RGP1: variants seen among roughly 807,000 people sequenced by gnomAD.
RGP1 encodes RAB6A-GEF complex partner protein 2.
Under a neutral mutation model 44.5 loss-of-function variants are expected in RGP1, and 28 were observed. That is an observed-to-expected ratio of 0.63 (90% CI 0.47 to 0.86). The LOEUF (loss-of-function observed/expected upper bound fraction) is 0.86, where lower values mean the gene tolerates loss of function less well. Ranked by LOEUF, RGP1 falls within the 40% of genes least tolerant of loss-of-function variation. RGP1 has a pLI of 0.00. For synonymous variants in RGP1, 212 were observed against 196.7 expected (o/e 1.08, Z -0.65); for missense variants, 417 against 490.7 (o/e 0.85, Z 1.42).
chr9:35,780,226 C>T, the RGP1 span: 1 of 152,170 alleles, frequency 6.6e-6, no homozygotes, highest in South Asian at 2.1e-4. Context: ...AGAGGAGAAG[C>T]AGAATCAATA....
At chr9:35,782,131 C>T in the RGP1 span, among the ~76,000 whole-genome samples, 1 of 151,490 alleles carries the variant, frequency 6.6e-6, no homozygotes, top group Non-Finnish European at 1.5e-5. Flanking sequence ...AGATTACAGG[C>T]GCCTGCCACT....
At chr9:35,774,414 G>A in the RGP1 span, among the ~76,000 whole-genome samples, 2 of 152,202 alleles carry the variant, frequency 1.3e-5, no homozygotes, top group African/African-American at 4.8e-5. Context: ...AGGAAAGGAT[G>A]TTGCTGTGTT....
the RGP1 span, among the ~76,000 whole-genome samples, chr9:35,764,265 T>G: frequency 6.6e-6 from 1 of 152,224 alleles, no homozygotes; most frequent in Non-Finnish European, 1.5e-5. Flanking sequence ...AAATTCGACT[T>G]AAGCTAATGA....
At chr9:35,789,222 T>A in the RGP1 span, among the ~76,000 whole-genome samples, 1 of 152,060 alleles carries the variant, frequency 6.6e-6, no homozygotes, top group Non-Finnish European at 1.5e-5. Flanking sequence ...TTCACCTTGT[T>A]GGCCAGCCTA....
At chr9:35,770,678 G>A in the RGP1 span, among the ~76,000 whole-genome samples, 12 of 152,182 alleles carry the variant, frequency 7.9e-5, no homozygotes, top group Non-Finnish European at 1.2e-4. Flanking sequence ...GTGGTGTCAT[G>A]GAGGGTGTAC....
At chr9:35,774,895 G>A in the RGP1 span, among the ~76,000 whole-genome samples, 3 of 151,932 alleles carry the variant, frequency 2.0e-5, no homozygotes, top group African/African-American at 7.3e-5. Context: ...TGGTGGGGGG[G>A]GCTTCAGTCA....
the RGP1 span, among the ~76,000 whole-genome samples, chr9:35,782,420 C>A: frequency 2.0e-5 from 3 of 152,174 alleles, no homozygotes; most frequent in Non-Finnish European, 4.4e-5. Flanking sequence ...AAATTGAAAT[C>A]TAACTTTATT....
chr9:35,784,192 G>A, the RGP1 span, among the ~76,000 whole-genome samples: 1 of 152,098 alleles, frequency 6.6e-6, no homozygotes, highest in Non-Finnish European at 1.5e-5. Flanking sequence ...TAACCCCTTA[G>A]ATGCATAGTT....
chr9:35,766,396 T>G, the RGP1 span, among the ~76,000 whole-genome samples: 18 of 152,172 alleles, frequency 1.2e-4, no homozygotes, highest in Non-Finnish European at 2.6e-4. Context: ...TGTGAGTATA[T>G]GAATTAAAAA....
the RGP1 span, among the ~76,000 whole-genome samples, chr9:35,784,900 C>T: frequency 2.6e-5 from 4 of 152,178 alleles, no homozygotes; most frequent in Non-Finnish European, 5.9e-5. Context: ...CACACCACCC[C>T]TCTCAGCTGA....
downstream of RGP1, among the ~76,000 whole-genome samples, chr9:35,763,348 A>G (rs1280102441): frequency 6.6e-6 from 1 of 152,238 alleles, no homozygotes; most frequent in Non-Finnish European, 1.5e-5. Context: ...TATTATGAGT[A>G]ATTAATGGGC....
At chr9:35,782,234 A>G in the RGP1 span, among the ~76,000 whole-genome samples, 1 of 151,932 alleles carries the variant, frequency 6.6e-6, no homozygotes, top group Non-Finnish European at 1.5e-5. Context: ...TTATCTATGC[A>G]TTTTATTTTA....
At chr9:35,783,628 C>G in the RGP1 span, among the ~76,000 whole-genome samples, 1 of 151,934 alleles carries the variant, frequency 6.6e-6, no homozygotes, top group African/African-American at 2.4e-5. Flanking sequence ...GGAATTCATT[C>G]TTTTTTATGG....
rs1042898250 is a variant in RGP1, at chr9:35,750,919, C to T, written c.417C>T (p.Thr139=). The T allele has an allele frequency of 6.2e-7, 1 of 1,613,996 alleles. No individual in the cohort carries two copies. Among genetic ancestry groups the T allele is most frequent in the South Asian group, 1.1e-5 (1 of 91,086 alleles). Residue 139 remains threonine, a synonymous_variant, in exon 5 of 9, where the codon ACC becomes ACT. Transcript: ENST00000378078. ...CAGTCAAGTACGTCTACAAACTGAC[C>T]ATTGGCTGCCAGCGTGTCAACTCCC... ...GQSVKYVYKL[T]IGCQRVNSPI...
In RGP1 at chr9:35,752,857, A is replaced by G. The variant is rs748517703; in HGVS notation, c.1159A>G (p.Ser387Gly). ...ATATGCTGCCCCAGGCCCCAGCACC[A>G]GCACCATAACCATCTGAAACTGGCC... ...ASYAAPGPSTSTITI is the reference protein window; with the variant it reads ...ASYAAPGPSTGTITI The change falls in exon 9 of 9, where the codon AGC (serine) becomes GGC (glycine). Residue 387 changes from serine to glycine, a missense_variant. Ser to Gly is a moderately conservative substitution (Grantham distance 56, BLOSUM62 0). Coordinates refer to ENST00000378078, the MANE Select transcript of RGP1 (RefSeq NM_001080496.3). The G allele has an allele frequency of 6.2e-7, 1 of 1,613,798 alleles. No individual in the cohort carries two copies. Among genetic ancestry groups the G allele is most frequent in the Admixed American group, 1.7e-5 (1 of 60,010 alleles).
At chr9:35,781,986 T>G in the RGP1 span, among the ~76,000 whole-genome samples, 4,886 of 139,888 alleles carry the variant, frequency 0.035, 262 homozygotes, top group African/African-American at 0.13. Flanking sequence ...TTCTCTCGTT[T>G]TTTTTTTTTT....
downstream of RGP1, among the ~76,000 whole-genome samples, chr9:35,762,877 G>A: frequency 6.6e-6 from 1 of 150,906 alleles, no homozygotes; most frequent in East Asian, 1.9e-4. Flanking sequence ...AAAAAAAAAA[G>A]TTAAAGGCTC....
chr9:35,762,485 G>A (rs1283787454), downstream of RGP1, among the ~76,000 whole-genome samples: 1 of 152,130 alleles, frequency 6.6e-6, no homozygotes, highest in Non-Finnish European at 1.5e-5. Flanking sequence ...ATTAAATTGG[G>A]TTCAACCTGC....
rs775573240 is a variant in RGP1 at position 35,749,322 on chromosome 9, G to C, written c.-106G>C. Reference sequence around the variant, plus strand: ...CTACCGCCCAGCGGACGCCGCCGCCGCCGCCGCCGCCGCGTACCTAGCCAG... The same window carrying C: ...CTACCGCCCAGCGGACGCCGCCGCCCCCGCCGCCGCCGCGTACCTAGCCAG... On this transcript the variant is annotated 5_prime_UTR_variant, in exon 1 of 9. Transcript: ENST00000378078. The surrounding 1 kb of genome is among the most constrained non-coding windows in gnomAD (Gnocchi z 4.4). The C allele has an allele frequency of 1.1e-5, 6 of 526,078 alleles. No homozygotes were observed. The East Asian group carries it at 3.3e-4, about 29-fold the overall frequency. The allele number at this position is 526,078 out of a possible 1,614,324, so 32.6% of individuals were successfully genotyped here. A position where few individuals can be genotyped will look rare whatever the true frequency, so the allele number is the denominator to read the frequency against.
Sources: gnomAD v4.1 joint callset for allele counts (sites outside exome capture counted in the v4.1 genomes callset) on GRCh38, gnomAD v4.1.1 for gene constraint, Gnocchi (gnomAD v3.1) non-coding constraint, MANE v1.5 for transcripts, NCBI Gene and HGNC (gene_info 2026-07-23, HGNC 2026-07-21) for gene names.